Variants in YEATS2 observed in about 807,000 individuals in gnomAD.
YEATS2 encodes the protein YEATS domain containing 2.
A neutral mutation model predicts 163.2 loss-of-function variants in YEATS2; 77 were observed. That is an observed-to-expected ratio of 0.47 (90% confidence interval 0.39 to 0.57). The LOEUF is 0.57. Among genes scored for constraint, YEATS2 ranks in the 20% least tolerant of loss-of-function variants. The probability of loss-of-function intolerance (pLI) is 0.00; values close to 1 mark genes in which losing one functional copy is unlikely to be tolerated. For missense variants in YEATS2, 1,549 were observed against 1,729.8 expected (o/e 0.90, Z 1.85); for synonymous variants, 631 against 645.1 (o/e 0.98, Z 0.33).
chr3:183,800,749 C>T (rs1725594886), intron 24 of YEATS2, among the ~76,000 whole-genome samples, 181 bp downstream of exon 24: 3 of 152,174 alleles, frequency 2.0e-5, no homozygotes, highest in Admixed American at 2.0e-4. Flanking sequence ...TCATTTTATA[C>T]AGTGATGTGA....
In YEATS2 at chr3:183,795,455, A is replaced by ATTTT. The variant is rs573338439; in HGVS notation, c.3098-2443_3098-2440dup. On this transcript the variant is annotated intron_variant, in intron 21 of 30. Transcript: ENST00000305135. ...AGGGGCATGCCACCACACGGGACTA[A>ATTTT]TTTTTTTTTTTTTTTTTTTTTTTTT... Among the ~76,000 whole-genome samples the ATTTT allele has an allele frequency of 2.8e-4, 22 of 79,932 alleles. 1 individual carries two copies. Among genetic ancestry groups the ATTTT allele is most frequent in the African/African-American group, 9.1e-4 (21 of 23,082 alleles). 52.4% of individuals were successfully genotyped at this position (79,932 alleles called of 152,430 possible). A position where few individuals can be genotyped will look rare whatever the true frequency, so the allele number is the denominator to read the frequency against.
chr3:183,773,653 C>T lies in YEATS2; in HGVS notation c.2227C>T (p.Pro743Ser), dbSNP rs934367748. The change falls in exon 17 of 31, where the codon CCA becomes TCA. Residue 743 changes from proline to serine, a missense_variant. Coordinates refer to ENST00000305135, the MANE Select transcript of YEATS2 (RefSeq NM_018023.5). ...TTTAGTAATGGCAACGTTGCAGCTACCAGCCACTAATTTGGCCAACTTGGC... is the reference window on the plus strand; with the variant it reads ...TTTAGTAATGGCAACGTTGCAGCTATCAGCCACTAATTTGGCCAACTTGGC... ...QGSVMATLQL[P>S]ATNLANLANL... The T allele has an allele frequency of 1.4e-5, 22 of 1,608,890 alleles. No homozygotes were observed. The highest frequency in any genetic ancestry group is 1.8e-5 in the Non-Finnish European group (21 of 1,178,448).
intron 15 of YEATS2, among the ~76,000 whole-genome samples, chr3:183,766,103 A>T (rs1721878520): frequency 6.6e-6 from 1 of 152,182 alleles, no homozygotes. Flanking sequence ...CAACTGAGGA[A>T]TAAGTAGTTC....
intron 15 of YEATS2, among the ~76,000 whole-genome samples, chr3:183,764,747 C>T (rs191156260): frequency 1.3e-5 from 2 of 152,258 alleles, no homozygotes; most frequent in Admixed American, 1.3e-4. Flanking sequence ...GCAGAGGTTG[C>T]AGTGAGACGA....
chr3:183,792,474 G>A (rs1724750941), intron 21 of YEATS2, among the ~76,000 whole-genome samples: 1 of 152,140 alleles, frequency 6.6e-6, no homozygotes, highest in South Asian at 2.1e-4. Flanking sequence ...CAAAGGACAT[G>A]AACTCATTCT....
intron 21 of YEATS2, among the ~76,000 whole-genome samples, chr3:183,794,830 C>T (rs1724984805): frequency 6.6e-6 from 1 of 151,918 alleles, no homozygotes; most frequent in Non-Finnish European, 1.5e-5. Context: ...TTCTGGGCCC[C>T]ATCTAGGGCT....
In YEATS2 at chr3:183,730,155, C is replaced by G. The variant is rs529455112; in HGVS notation, c.812+1304C>G. ...TCTTGGCTCACTGCAACCTCCACCC[C>G]CCAGGTTCAAGCAGTTCTCATGCTT... On this transcript the variant is annotated intron_variant, in intron 7 of 30. Transcript: ENST00000305135. Among the ~76,000 whole-genome samples, 410 of 136,566 alleles carry G rather than the reference C, an allele frequency of 3.0e-3. 3 individuals carry two copies. The highest frequency in any genetic ancestry group is 0.014 in the Middle Eastern group (3 of 208). The allele number at this position is 136,566 out of a possible 152,430, so 89.6% of individuals were successfully genotyped here.
intron 8 of YEATS2, among the ~76,000 whole-genome samples, chr3:183,746,621 C>G (rs956606682): frequency 1.6e-4 from 24 of 150,756 alleles, no homozygotes; most frequent in Non-Finnish European, 3.4e-4. Flanking sequence ...TTTCTATGCT[C>G]TGGAGACTGT....
In YEATS2 at chr3:183,728,745, G is replaced by C. The variant is rs774770666; in HGVS notation, c.706G>C (p.Val236Leu). ...TGACCAGTCAACTCATAAGTGGATG[G>C]TATATGTCCGAGGGTCCCGTAGAGA... ...ENDQSTHKWMVYVRGSRREPS... is the reference protein window; with the variant it reads ...ENDQSTHKWMLYVRGSRREPS... Residue 236 changes from valine to leucine, a missense_variant, in exon 7 of 31, where the codon GTA becomes CTA. Transcript: ENST00000305135. The C allele has an allele frequency of 3.7e-5, 60 of 1,613,944 alleles. No individual in the cohort carries two copies. The Admixed American group carries it at 9.8e-4, about 26-fold the overall frequency.
At chr3:183,743,202 C>A (rs1044589143) in intron 8 of YEATS2, among the ~76,000 whole-genome samples, 1 of 152,076 alleles carries the variant, frequency 6.6e-6, no homozygotes, top group Non-Finnish European at 1.5e-5. Flanking sequence ...CAACCACGAT[C>A]TTTGAAAGGT....
intron 27 of YEATS2, among the ~76,000 whole-genome samples, chr3:183,805,232 C>G (rs1037133906): frequency 6.6e-6 from 1 of 151,720 alleles, no homozygotes; most frequent in African/African-American, 2.4e-5. Flanking sequence ...AGGACCTTGT[C>G]GCTACAAAAA....
chr3:183,709,800 C>G (rs1577033133), intron 1 of YEATS2, among the ~76,000 whole-genome samples: 2 of 151,648 alleles, frequency 1.3e-5, no homozygotes, highest in African/African-American at 4.8e-5. Context: ...GCCTTAGCCT[C>G]CGGAGTAGCT....
chr3:183,806,803 G>A, intron 27 of YEATS2, 63 bp from the exon 28 acceptor site: 3 of 1,559,084 alleles, frequency 1.9e-6, no homozygotes, highest in South Asian at 2.3e-5. Flanking sequence ...GGGTCTCTTG[G>A]AGACGGAAAG....
chr3:183,761,287 G>A (rs571655970), intron 13 of YEATS2, among the ~76,000 whole-genome samples: 12 of 152,018 alleles, frequency 7.9e-5, no homozygotes, highest in African/African-American at 2.4e-4. Context: ...GGGTTTCTCC[G>A]TGTTGGTCAG....
intron 20 of YEATS2, among the ~76,000 whole-genome samples, chr3:183,787,357 A>G (rs915239973): frequency 6.6e-6 from 1 of 152,118 alleles, no homozygotes; most frequent in African/African-American, 2.4e-5. Flanking sequence ...CAGTTTTTCC[A>G]CAAACTCACC....
At chr3:183,721,509 C>T (rs1383471997) in intron 4 of YEATS2, among the ~76,000 whole-genome samples, 1 of 152,078 alleles carries the variant, frequency 6.6e-6, no homozygotes, top group Non-Finnish European at 1.5e-5. Context: ...TTTATATATA[C>T]AGCTTTTTAT....
chr3:183,721,418 A>C (rs1716478773), intron 4 of YEATS2, among the ~76,000 whole-genome samples: 1 of 152,224 alleles, frequency 6.6e-6, no homozygotes, highest in Non-Finnish European at 1.5e-5. Context: ...GTCTATACTG[A>C]ACTGAAGGCA....
rs747151918 is a variant in YEATS2 at position 183,804,232 on chromosome 3, G to A, written c.3784+44G>A. 10 of 1,609,148 alleles carry A rather than the reference G, an allele frequency of 6.2e-6. No individual in the cohort carries two copies. In the East Asian group the frequency reaches 2.0e-4, roughly 32 times the overall value. ...TGCCCAGAGCGCCTGGCAGCCTGGA[G>A]GCATTTGCTGAGGTAGAGAGAGATG... On this transcript the variant is annotated intron_variant, in intron 27 of 30. Transcript: ENST00000305135.
At chr3:183,782,188 C>T (rs1387365718) in intron 19 of YEATS2, among the ~76,000 whole-genome samples, 1 of 152,044 alleles carries the variant, frequency 6.6e-6, no homozygotes, top group Non-Finnish European at 1.5e-5. Flanking sequence ...TGGCTCACTG[C>T]AACCTCTGCC....
Sources: allele counts gnomAD v4.1 joint callset (sites outside exome capture counted in the v4.1 genomes callset), GRCh38; gene constraint gnomAD v4.1.1; transcripts MANE v1.5; gene names NCBI Gene and HGNC (gene_info 2026-07-23, HGNC 2026-07-21).